The following EXD2 variants were observed in gnomAD, a reference collection of about 807,000 sequenced individuals.
The protein encoded by EXD2 is exonuclease 3'-5' domain containing 2.
EXD2 carries 40 observed loss-of-function variants against 62.5 expected under a neutral mutation model. That is an observed-to-expected ratio of 0.64 (90% confidence interval 0.50 to 0.83). The LOEUF (loss-of-function observed/expected upper bound fraction) is 0.83. Among genes scored for constraint, EXD2 ranks in the 40% least tolerant of loss-of-function variants. The pLI, the probability that EXD2 is intolerant of heterozygous loss-of-function variation, is 0.00. For synonymous variants in EXD2, 239 were observed against 291.9 expected, an observed-to-expected ratio of 0.82 and a Z score of 1.85; for missense variants, 671 against 761.8, an observed-to-expected ratio of 0.88 and a Z score of 1.40.
intron 1 of EXD2, among the ~76,000 whole-genome samples, chr14:69,201,177 C>T (rs1215125583): frequency 1.3e-4 from 19 of 151,216 alleles, no homozygotes; most frequent in Admixed American, 3.3e-4. Flanking sequence ...ATACATCTTA[C>T]GTTGGTTTTT....
At chr14:69,239,743 A>C (rs2043919455) in intron 9 of EXD2, among the ~76,000 whole-genome samples, 1 of 152,212 alleles carries the variant, frequency 6.6e-6, no homozygotes, top group Admixed American at 6.5e-5. Flanking sequence ...CTGGGATTAC[A>C]AGTGTGTGCC....
At chr14:69,195,371 A>G (rs921947460) in intron 1 of EXD2, among the ~76,000 whole-genome samples, 2 of 151,972 alleles carry the variant, frequency 1.3e-5, no homozygotes, top group African/African-American at 4.8e-5. Flanking sequence ...TAATTTTTGT[A>G]TTGTTTATAG....
intron 8 of EXD2, among the ~76,000 whole-genome samples, 163 bp from the exon 9 acceptor site, chr14:69,237,412 G>A (rs1452777954): frequency 6.6e-6 from 1 of 152,188 alleles, no homozygotes; most frequent in Non-Finnish European, 1.5e-5. Flanking sequence ...GCTGAGAGTG[G>A]AATAGGTGAT....
At position 69,243,405 on chromosome 14, in the gene EXD2, G is replaced by A. The variant is rs1287317755; in HGVS notation, c.*2305G>A. On this transcript the variant is annotated 3_prime_UTR_variant, in exon 10 of 10. Transcript: ENST00000685843. ...TTCAGTATTAAAAAGTGCATATAAGGTGTATATTTACACAAAATTGAAGGT... is the reference window on the plus strand; with the variant it reads ...TTCAGTATTAAAAAGTGCATATAAGATGTATATTTACACAAAATTGAAGGT... 2 of 152,100 alleles carry A rather than the reference G, an allele frequency of 1.3e-5. No homozygotes were observed. Among genetic ancestry groups the A allele is most frequent in the African/African-American group, 4.8e-5 (2 of 41,406 alleles). The allele number at this position is 152,100 out of a possible 1,614,324, so 9.4% of individuals were successfully genotyped here.
intron 2 of EXD2, 146 bp downstream of exon 2, chr14:69,204,146 G>A (rs2042503192): frequency 1.3e-5 from 2 of 152,164 alleles, no homozygotes; most frequent in South Asian, 4.1e-4. Context: ...TCTGTGTTTT[G>A]TCAAGTGGGA....
rs373976239 is a variant in EXD2, at chr14:69,217,782, A to C, written c.333+7979A>C. 6.3e-4 allele frequency among the ~76,000 whole-genome samples: 96 copies of C among 152,188 alleles called. 2 individuals carry two copies. The highest frequency in any genetic ancestry group is 5.8e-3 in the East Asian group (30 of 5,174). ...TCAATTCCCACCTATGAGTGAGAAC[A>C]TGCGGTGTTTGGTTTTTTGTCCTTG... On this transcript the variant is annotated intron_variant, in intron 3 of 9. Transcript: ENST00000685843.
At chr14:69,234,059 A>G (rs1039674760) in intron 5 of EXD2, among the ~76,000 whole-genome samples, 1 of 152,030 alleles carries the variant, frequency 6.6e-6, no homozygotes, top group Non-Finnish European at 1.5e-5. Flanking sequence ...GAGCCACCAT[A>G]CCTGGCCCAC....
chr14:69,224,040 CTTTTTTTTT>C (rs1037056390), intron 3 of EXD2: 1 of 146,252 alleles, frequency 6.8e-6, no homozygotes. Flanking sequence ...GTGCCACACA[CTTTTTTTTT>C]TTTGAGACAG....
Position 69,242,082 on chromosome 14 carries a change from G to C in EXD2, c.*982G>C, listed in dbSNP as rs2043996775. On this transcript the variant is annotated 3_prime_UTR_variant, in exon 10 of 10. Transcript: ENST00000685843. ...TGAGGACTTCTCTGTCTCCTCTGAAGCCTGGGACACTGAGCTTACTTAATA... is the reference window on the plus strand; with the variant it reads ...TGAGGACTTCTCTGTCTCCTCTGAACCCTGGGACACTGAGCTTACTTAATA... 2 of 398,510 alleles carry C rather than the reference G, an allele frequency of 5.0e-6. No individual in the cohort carries two copies. The highest frequency in any genetic ancestry group is 2.5e-4 in the South Asian group (2 of 7,856). The allele number at this position is 398,510 out of a possible 1,614,324, so 24.7% of individuals were successfully genotyped here.
At chr14:69,230,736 C>T in intron 5 of EXD2, 138 bp downstream of exon 5, 1 of 941,610 alleles carries the variant, frequency 1.1e-6, no homozygotes, top group Non-Finnish European at 1.5e-6. Flanking sequence ...TGGTGATACT[C>T]CAGCTAACTG....
intron 1 of EXD2, among the ~76,000 whole-genome samples, chr14:69,200,828 C>G (rs910224085): frequency 6.6e-6 from 1 of 152,060 alleles, no homozygotes. Flanking sequence ...AATCTCAGCA[C>G]TTTGGGAGGC....
At chr14:69,216,004 A>G (rs1249218026) in intron 3 of EXD2, among the ~76,000 whole-genome samples, 1 of 152,200 alleles carries the variant, frequency 6.6e-6, no homozygotes, top group Non-Finnish European at 1.5e-5. Context: ...CAGTTGATCA[A>G]GTCTTTCCCT....
At chr14:69,235,797 A>G (rs1248247301) in intron 6 of EXD2, 3 of 493,518 alleles carry the variant, frequency 6.1e-6, no homozygotes, top group South Asian at 4.1e-5. Flanking sequence ...CACTTGACAC[A>G]CTCCCTAATG....
rs531744689 is a variant in EXD2 at position 69,241,822 on chromosome 14, A to G, written c.*722A>G. 2.8e-5 allele frequency: 11 copies of G among 399,002 alleles called. No individual in the cohort carries two copies. The South Asian group carries it at 1.3e-3, about 46-fold the overall frequency. 24.7% of individuals were successfully genotyped at this position (399,002 alleles called of 1,614,324 possible). ...GAAAGAACCACAAACTCCATCTCCC[A>G]ATAGAACTTTGAAATTCACTCAGCT... On this transcript the variant is annotated 3_prime_UTR_variant, in exon 10 of 10. Coordinates refer to ENST00000685843, the MANE Select transcript of EXD2 (RefSeq NM_001193360.2).
At chr14:69,231,310 T>C (rs1489609749) in intron 5 of EXD2, among the ~76,000 whole-genome samples, 1 of 152,174 alleles carries the variant, frequency 6.6e-6, no homozygotes, top group East Asian at 1.9e-4. Flanking sequence ...TCATTATACT[T>C]CTAAATTACA....
At chr14:69,226,422 A>G (rs1453584624) in intron 3 of EXD2, among the ~76,000 whole-genome samples, 1 of 152,158 alleles carries the variant, frequency 6.6e-6, no homozygotes, top group African/African-American at 2.4e-5. Context: ...TGTGAGTTAG[A>G]TCATGGTTTT....
Position 69,228,843 on chromosome 14 carries a change from C to T in EXD2, c.361C>T (p.Leu121=). Reference sequence around the variant, plus strand: ...AAATTTGGAAGGCAAAGCCAGCCCTCTGTCACTTCTACAAATGGCCTCCCC... The same window carrying T: ...AAATTTGGAAGGCAAAGCCAGCCCTTTGTCACTTCTACAAATGGCCTCCCC... The part of the protein sequence containing the change: ...WVNLEGKASP[L]SLLQMASPSG... Residue 121 remains leucine (L), a synonymous_variant, in exon 4 of 10, where the codon CTG becomes TTG. Transcript: ENST00000685843. 2 of 1,614,028 alleles carry T rather than the reference C, an allele frequency of 1.2e-6. No homozygotes were observed. Among genetic ancestry groups the T allele is most frequent in the Non-Finnish European group, 1.7e-6 (2 of 1,179,976 alleles).
At position 69,234,989 on chromosome 14, in the gene EXD2, G is replaced by T. The variant is rs772747829; in HGVS notation, c.1007G>T (p.Arg336Ile). ...GGCAACCACCAAGGGAGAGACCCCA[G>T]AAAACATAAAAGAAAGCCTCTGGGG... ...VPGNHQGRDP[R>I]KHKRKPLGVG... The change falls in exon 6 of 10, where the codon AGA becomes ATA. Residue 336 changes from arginine (R) to isoleucine (I), a missense_variant. Arg to Ile is a moderately conservative substitution (Grantham distance 97, BLOSUM62 -3). Coordinates refer to ENST00000685843, the MANE Select transcript of EXD2 (RefSeq NM_001193360.2). The T allele has an allele frequency of 6.2e-7, 1 of 1,608,636 alleles. No homozygotes were observed.
intron 1 of EXD2, among the ~76,000 whole-genome samples, chr14:69,194,286 C>T (rs543449494): frequency 1.4e-3 from 216 of 151,876 alleles, no homozygotes; most frequent in Non-Finnish European, 2.3e-3. Context: ...CTACAGGCGC[C>T]CACCACCTCG....
Sources: allele counts gnomAD v4.1 joint callset (sites outside exome capture counted in the v4.1 genomes callset), GRCh38; gene constraint gnomAD v4.1.1; transcripts MANE v1.5; gene names NCBI Gene and HGNC (gene_info 2026-07-23, HGNC 2026-07-21).